Variants in NTNG2 observed in about 807,000 individuals in gnomAD.
The protein encoded by NTNG2 is netrin G2, also known as netrin-G2.
In NTNG2, 15 loss-of-function variants were observed where a neutral mutation model predicts 47.6. That is an observed-to-expected ratio of 0.32 (90% confidence interval 0.21 to 0.49). The LOEUF is 0.49. NTNG2 is among the 20% of genes least tolerant of loss of function. The probability of loss-of-function intolerance (pLI) is 0.99; values close to 1 mark genes in which losing one functional copy is unlikely to be tolerated. For missense variants in NTNG2, 578 were observed against 764.6 expected, an observed-to-expected ratio of 0.76 and a Z score of 2.88; for synonymous variants, 307 against 324.6, an observed-to-expected ratio of 0.95 and a Z score of 0.58.
At chr9:132,241,451 C>T (rs1003182627) in intron 7 of NTNG2, 7 of 321,936 alleles carry the variant, frequency 2.2e-5, no homozygotes, top group Non-Finnish European at 3.5e-5. Context: ...ACCTGAGGCA[C>T]GGTGGTGCCT....
At chr9:132,211,315 A>T (rs1022796100) in intron 3 of NTNG2, among the ~76,000 whole-genome samples, 1 of 152,090 alleles carries the variant, frequency 6.6e-6, no homozygotes, top group Non-Finnish European at 1.5e-5. Flanking sequence ...GCCCCCTAGA[A>T]GAGAGGTGCA....
In NTNG2 at chr9:132,243,737, G is replaced by A. The variant is rs1564454163; in HGVS notation, c.*1626G>A. 6.6e-6 allele frequency: 1 copy of A among 152,366 alleles called. No individual in the cohort carries two copies. Among genetic ancestry groups the A allele is most frequent in the Non-Finnish European group, 1.5e-5 (1 of 68,140 alleles). The allele number at this position is 152,366 out of a possible 1,614,324, so 9.4% of individuals were successfully genotyped here. ...CCCCAAAGCTAAGCTAAGACCAAGT[G>A]GAACAAACTTGGCCTTGGGGACAGC... On this transcript the variant is annotated 3_prime_UTR_variant, in exon 8 of 8. Transcript: ENST00000393229.
intron 2 of NTNG2, among the ~76,000 whole-genome samples, chr9:132,187,876 C>CT (rs1396778615): frequency 6.6e-6 from 1 of 152,220 alleles, no homozygotes; most frequent in African/African-American, 2.4e-5. Context: ...GAACTTGAGA[C>CT]TTTAGGATGT....
intron 3 of NTNG2, among the ~76,000 whole-genome samples, chr9:132,211,804 A>T (rs918404652): frequency 3.3e-5 from 5 of 152,050 alleles, no homozygotes; most frequent in African/African-American, 1.2e-4. Flanking sequence ...TACACGTCTG[A>T]CACCCGCCCC....
intron 5 of NTNG2, among the ~76,000 whole-genome samples, chr9:132,237,861 C>T (rs79328481): frequency 0.017 from 2,648 of 152,340 alleles, 86 homozygotes; most frequent in African/African-American, 0.06. Context: ...GTCACCGATG[C>T]TGCTCTTTGG....
intron 3 of NTNG2, among the ~76,000 whole-genome samples, chr9:132,223,892 G>A (rs772544133): frequency 6.6e-5 from 10 of 151,866 alleles, no homozygotes; most frequent in African/African-American, 4.9e-5. Flanking sequence ...TCCCGCCTCC[G>A]TCTCCTGGTC....
intron 4 of NTNG2, among the ~76,000 whole-genome samples, chr9:132,229,406 A>G (rs747349235): frequency 1.3e-5 from 2 of 151,738 alleles, no homozygotes; most frequent in Non-Finnish European, 2.9e-5. Flanking sequence ...ATCCGCTCCA[A>G]GTCTCTCCCA....
intron 2 of NTNG2, among the ~76,000 whole-genome samples, chr9:132,170,486 G>A (rs920041580): frequency 2.6e-5 from 4 of 152,172 alleles, no homozygotes; most frequent in African/African-American, 9.7e-5. Flanking sequence ...CAGGAAGGGC[G>A]ACGGGCAAAG....
At chr9:132,200,476 C>G (rs1429032718) in intron 3 of NTNG2, among the ~76,000 whole-genome samples, 1 of 152,218 alleles carries the variant, frequency 6.6e-6, no homozygotes, top group African/African-American at 2.4e-5. Context: ...GCGTCTTGAA[C>G]AGACATTGGC....
chr9:132,207,340 G>A (rs1027154702), intron 3 of NTNG2, among the ~76,000 whole-genome samples: 7 of 152,190 alleles, frequency 4.6e-5, no homozygotes, highest in Admixed American at 3.9e-4. Flanking sequence ...CTGCAGAGGG[G>A]AATCTGTCCC....
chr9:132,237,245 AG>A (rs1841695786), intron 5 of NTNG2, among the ~76,000 whole-genome samples: 3 of 152,042 alleles, frequency 2.0e-5, no homozygotes, highest in Admixed American at 2.0e-4. Flanking sequence ...GGGCTCTTCG[AG>A]GAGAGGGGCT....
rs1842133699 is a variant in NTNG2 at position 132,244,088 on chromosome 9, A to G, written c.*1977A>G. On this transcript the variant is annotated 3_prime_UTR_variant, in exon 8 of 8. Coordinates refer to ENST00000393229, the MANE Select transcript of NTNG2 (RefSeq NM_032536.4). ...GGGCAGTGAGATGTAAGCAGGACTGATGGGTGGGCTTCCAGAAAGTTCTTA... is the reference window on the plus strand; with the variant it reads ...GGGCAGTGAGATGTAAGCAGGACTGGTGGGTGGGCTTCCAGAAAGTTCTTA... 3 of 152,246 alleles carry G rather than the reference A, an allele frequency of 2.0e-5. No individual in the cohort carries two copies. Among genetic ancestry groups the G allele is most frequent in the Admixed American group, 2.0e-4 (3 of 15,286 alleles). 9.4% of individuals were successfully genotyped at this position (152,246 alleles called of 1,614,324 possible). A position where few individuals can be genotyped will look rare whatever the true frequency, so the allele number is the denominator to read the frequency against.
rs774292594 is a variant in NTNG2, at chr9:132,198,024, C to A, written c.272C>A (p.Pro91Gln). 1.2e-6 allele frequency: 2 copies of A among 1,613,610 alleles called. No individual in the cohort carries two copies. Among genetic ancestry groups the A allele is most frequent in the Non-Finnish European group, 1.7e-6 (2 of 1,180,016 alleles). The change falls in exon 3 of 8, where the codon CCG (proline) becomes CAG (glutamine). Residue 91 changes from proline (P) to glutamine (Q), a missense_variant. Pro to Gln is a moderately conservative substitution (Grantham distance 76). Coordinates refer to ENST00000393229, the MANE Select transcript of NTNG2 (RefSeq NM_032536.4). Reference protein sequence around the residue: ...CDASNPDLAHPPRLMFDKEEE... With the variant: ...CDASNPDLAHQPRLMFDKEEE... Reference sequence around the variant, plus strand: ...GCCTCCAACCCGGACCTGGCCCACCCGCCCAGGCTCATGTTCGACAAGGAG... The same window carrying A: ...GCCTCCAACCCGGACCTGGCCCACCAGCCCAGGCTCATGTTCGACAAGGAG...
rs144921624 is a variant in NTNG2 at position 132,205,758 on chromosome 9, G to A, written c.857+7149G>A. ...TACCTAGGTGTGGGAGCGGGTGCCTGTAATCCCACCTACTTGGGAAGCCGA... is the reference window on the plus strand; with the variant it reads ...TACCTAGGTGTGGGAGCGGGTGCCTATAATCCCACCTACTTGGGAAGCCGA... On this transcript the variant is annotated intron_variant, in intron 3 of 7. Transcript: ENST00000393229. 6.5e-3 allele frequency among the ~76,000 whole-genome samples: 994 copies of A among 152,230 alleles called. 4 individuals carry two copies. The highest frequency in any genetic ancestry group is 0.024 in the Middle Eastern group (7 of 294).
At chr9:132,225,394 T>C (rs1420790529) in intron 3 of NTNG2, among the ~76,000 whole-genome samples, 1 of 152,040 alleles carries the variant, frequency 6.6e-6, no homozygotes, top group Non-Finnish European at 1.5e-5. Flanking sequence ...CCCTAGCCTC[T>C]TGAGTAGCTA....
chr9:132,181,595 G>T (rs535074627), intron 2 of NTNG2, among the ~76,000 whole-genome samples: 1 of 152,168 alleles, frequency 6.6e-6, no homozygotes, highest in Admixed American at 6.5e-5. Context: ...GATTACAGGC[G>T]TGAGCCACCG....
intron 3 of NTNG2, among the ~76,000 whole-genome samples, chr9:132,210,981 G>A (rs1356797621): frequency 6.6e-6 from 1 of 152,154 alleles, no homozygotes; most frequent in Non-Finnish European, 1.5e-5. Context: ...ACCCACACAT[G>A]TGAATCCGCT....
intron 3 of NTNG2, among the ~76,000 whole-genome samples, chr9:132,203,471 C>T (rs544210813): frequency 2.0e-4 from 30 of 152,202 alleles, no homozygotes; most frequent in African/African-American, 6.3e-4. Context: ...AGACAGCAGG[C>T]GCCTCACAAG....
chr9:132,234,842 G>T (rs1049208797), intron 5 of NTNG2, among the ~76,000 whole-genome samples: 1 of 152,196 alleles, frequency 6.6e-6, no homozygotes, highest in East Asian at 1.9e-4. Context: ...AAAGCTCCCC[G>T]CTCCCAGCTG....
Sources: gnomAD v4.1 joint callset for allele counts (sites outside exome capture counted in the v4.1 genomes callset) on GRCh38, gnomAD v4.1.1 for gene constraint, MANE v1.5 for transcripts, NCBI Gene and HGNC (gene_info 2026-07-23, HGNC 2026-07-21) for gene names.